Variants in WNK1 observed in about 807,000 individuals in gnomAD.
WNK1 encodes the protein WNK lysine deficient protein kinase 1.
Under a neutral mutation model 222.8 loss-of-function variants are expected in WNK1, and 38 were observed. The ratio of observed to expected loss-of-function variants is 0.17; its 90% CI spans 0.13 to 0.22. The LOEUF is 0.22. WNK1 is among the 10% of genes least tolerant of loss of function. WNK1 has a pLI of 1.00. For synonymous variants in WNK1, 1,090 were observed against 1,092.9 expected (o/e 1.00, Z 0.05); for missense variants, 2,348 against 2,918.4 (o/e 0.80, Z 4.50).
At chr12:834,019 A>G (rs1257689912) in intron 4 of WNK1, among the ~76,000 whole-genome samples, 4 of 152,210 alleles carry the variant, frequency 2.6e-5, no homozygotes, top group Admixed American at 6.5e-5. Flanking sequence ...TGGAGGAACA[A>G]TGGATAACCC....
At chr12:903,326 T>C (rs1005183193) in intron 26 of WNK1, among the ~76,000 whole-genome samples, 1 of 152,180 alleles carries the variant, frequency 6.6e-6, no homozygotes, top group Non-Finnish European at 1.5e-5. Flanking sequence ...GTGTGATTTT[T>C]TTTTTGAGGA....
rs1003102832 is a variant in WNK1 at position 909,566 on chromosome 12, C to T, written c.*774C>T. 1.3e-5 allele frequency: 2 copies of T among 152,190 alleles called. No homozygotes were observed. The highest frequency in any genetic ancestry group is 2.9e-5 in the Non-Finnish European group (2 of 68,040). The allele number at this position is 152,190 out of a possible 1,614,324, so 9.4% of individuals were successfully genotyped here. A position where few individuals can be genotyped will look rare whatever the true frequency, so the allele number is the denominator to read the frequency against. On this transcript the variant is annotated 3_prime_UTR_variant, in exon 28 of 28. Coordinates refer to ENST00000315939, the MANE Select transcript of WNK1 (RefSeq NM_018979.4). ...CAAAAAAAGCTAGCTCTGTCCTTTACTTATTGAGACACTTTAACTTTTTCC... is the reference window on the plus strand; with the variant it reads ...CAAAAAAAGCTAGCTCTGTCCTTTATTTATTGAGACACTTTAACTTTTTCC...
At chr12:791,750 A>G (rs919817362) in intron 1 of WNK1, among the ~76,000 whole-genome samples, 1 of 152,186 alleles carries the variant, frequency 6.6e-6, no homozygotes, top group Non-Finnish European at 1.5e-5. Context: ...TATGACATTA[A>G]TATAAATGAT....
chr12:895,721 A>G (rs1223720742), intron 23 of WNK1, among the ~76,000 whole-genome samples: 1 of 152,190 alleles, frequency 6.6e-6, no homozygotes, highest in Non-Finnish European at 1.5e-5. Flanking sequence ...AGCCTCCCAA[A>G]ATGGTGGGCT....
intron 4 of WNK1, among the ~76,000 whole-genome samples, chr12:851,968 A>AGG (rs1197704255): frequency 6.6e-6 from 1 of 152,114 alleles, no homozygotes; most frequent in African/African-American, 2.4e-5. Flanking sequence ...CTGTGTGAGG[A>AGG]GGGGGTAGGC....
intron 8 of WNK1, among the ~76,000 whole-genome samples, chr12:862,568 A>G (rs1365609382): frequency 6.6e-6 from 1 of 152,268 alleles, no homozygotes. Context: ...AAAGCTGGAC[A>G]TACAAATGTT....
intron 12 of WNK1, 77 bp downstream of exon 12, chr12:881,076 A>G: frequency 6.3e-7 from 1 of 1,577,702 alleles, no homozygotes; most frequent in Non-Finnish European, 8.7e-7. Flanking sequence ...AGAAAGAAAC[A>G]GGCTCCCCTG....
In WNK1 at chr12:883,794, A is replaced by C. The variant is rs762251501; in HGVS notation, c.3684A>C (p.Lys1228Asn). Residue 1228 changes from lysine to asparagine, a missense_variant, in exon 17 of 28, where the codon AAA (lysine) becomes AAC (asparagine). Lys to Asn is a moderately conservative substitution (Grantham distance 94). Coordinates refer to ENST00000315939, the MANE Select transcript of WNK1 (RefSeq NM_018979.4). ...SGSQKLEGEFKQPIPASSMPQ... is the reference protein window; with the variant it reads ...SGSQKLEGEFNQPIPASSMPQ... ...TGTAGAAATTGGAAGGAGAGTTCAA[A>C]CAACCAATTCCTGCGTCTTCCATGC... The C allele has an allele frequency of 1.2e-6, 2 of 1,614,058 alleles. No homozygotes were observed. Among genetic ancestry groups the C allele is most frequent in the Non-Finnish European group, 1.7e-6 (2 of 1,180,044 alleles).
rs1953546911 is a variant in WNK1, at chr12:885,253, T to G, written c.4449T>G (p.Thr1483=). ...TATCTCAGCAGGCAGCAGGCAGCAC[T>G]ACTGTGGGAGCCACATTAACATCAG... is the stretch of plus-strand genomic sequence containing the variant. ...AVVSQQAAGS[T]TVGATLTSVS... The change falls in exon 19 of 28, where the codon ACT becomes ACG. Residue 1483 remains threonine, a synonymous_variant. Coordinates refer to ENST00000315939, the MANE Select transcript of WNK1 (RefSeq NM_018979.4). 6.2e-7 allele frequency: 1 copy of G among 1,614,134 alleles called. No homozygotes were observed. Among genetic ancestry groups the G allele is most frequent in the Non-Finnish European group, 8.5e-7 (1 of 1,180,054 alleles).
intron 8 of WNK1, among the ~76,000 whole-genome samples, chr12:864,282 AT>A (rs1026170858): frequency 3.3e-5 from 5 of 151,008 alleles, no homozygotes; most frequent in South Asian, 2.1e-4. Context: ...TAATTTTTGT[AT>A]TTTTTTTAGT....
chr12:878,463 A>G, intron 10 of WNK1, 102 bp downstream of exon 10: 2 of 1,346,710 alleles, frequency 1.5e-6, no homozygotes, highest in Non-Finnish European at 2.1e-6. Flanking sequence ...ATAGACTTCT[A>G]CCTTTTCTTC....
intron 7 of WNK1, 36 bp from the exon 8 acceptor site, chr12:862,047 C>A: frequency 6.2e-7 from 1 of 1,612,398 alleles, no homozygotes; most frequent in South Asian, 1.1e-5. Context: ...TTGTCTTTCT[C>A]TCTCTCTTTT....
chr12:757,152 C>A (rs1337497779), intron 1 of WNK1, among the ~76,000 whole-genome samples: 2 of 151,892 alleles, frequency 1.3e-5, no homozygotes, highest in Non-Finnish European at 2.9e-5. Flanking sequence ...AAATTTCAGG[C>A]TTCTGTTTTG....
chr12:900,787 T>C (rs2154098585), intron 26 of WNK1, 117 bp downstream of exon 26: 2 of 1,243,424 alleles, frequency 1.6e-6, no homozygotes, highest in Middle Eastern at 1.9e-4. Flanking sequence ...GCCTGTGTGT[T>C]GTACACTGAA....
chr12:756,420 A>G (rs939499974), intron 1 of WNK1, among the ~76,000 whole-genome samples: 3 of 152,100 alleles, frequency 2.0e-5, no homozygotes, highest in African/African-American at 7.2e-5. Flanking sequence ...AACTTTTTGG[A>G]TTTTTAATTC....
chr12:855,806 T>G (rs114774778), intron 4 of WNK1, among the ~76,000 whole-genome samples: 1 of 152,068 alleles, frequency 6.6e-6, no homozygotes, highest in African/African-American at 2.4e-5. Context: ...ACATCTTATG[T>G]ATATTTTCCA....
At position 894,628 on chromosome 12, in the gene WNK1, G is replaced by A. The variant is rs767293126; in HGVS notation, c.5576G>A (p.Arg1859Gln). Residue 1859 changes from arginine (R) to glutamine (Q), a missense_variant, in exon 23 of 28, where the codon CGA becomes CAA. This residue lies in a region of WNK1 where 1,144 missense variants were observed against 1,273.6 expected (regional missense o/e 0.90). Coordinates refer to ENST00000315939, the MANE Select transcript of WNK1 (RefSeq NM_018979.4). ...SSGAGVFKMG[R>Q]FQVSVAADGA... Reference sequence around the variant, plus strand: ...GGAGCTGGTGTTTTTAAGATGGGACGATTTCAGGTAAGACAGTCACTTTGT... The same window carrying A: ...GGAGCTGGTGTTTTTAAGATGGGACAATTTCAGGTAAGACAGTCACTTTGT... 7 of 1,613,878 alleles carry A rather than the reference G, an allele frequency of 4.3e-6. No individual in the cohort carries two copies. The highest frequency in any genetic ancestry group is 2.2e-5 in the South Asian group (2 of 91,076).
chr12:755,163 T>G (rs553424991), intron 1 of WNK1, among the ~76,000 whole-genome samples: 3 of 152,242 alleles, frequency 2.0e-5, no homozygotes, highest in African/African-American at 4.8e-5. Context: ...CAGCTGAGTT[T>G]GGGCTACTTG....
At chr12:770,018 G>A in intron 1 of WNK1, among the ~76,000 whole-genome samples, 1 of 151,308 alleles carries the variant, frequency 6.6e-6, no homozygotes, top group East Asian at 1.9e-4. Flanking sequence ...TTGTTGCCCA[G>A]GCTGGAGTGC....
Sources: gnomAD v4.1 joint callset for allele counts (sites outside exome capture counted in the v4.1 genomes callset) on GRCh38, gnomAD v4.1.1 for gene constraint, gnomAD v4.1.1 regional missense constraint, MANE v1.5 for transcripts, NCBI Gene and HGNC (gene_info 2026-07-23, HGNC 2026-07-21) for gene names.